Variants in SLC9A9 observed in about 807,000 individuals in gnomAD.
SLC9A9 encodes solute carrier family 9 member A9, also known as sodium/hydrogen exchanger 9.
In SLC9A9, 62 loss-of-function variants were observed where a neutral mutation model predicts 77.8. The ratio of observed to expected loss-of-function variants is 0.80; its 90% confidence interval spans 0.65 to 0.98. The LOEUF is 0.98. Among genes scored for constraint, SLC9A9 ranks in the 50% least tolerant of loss-of-function variants. The probability of loss-of-function intolerance (pLI) is 0.00; values close to 1 mark genes in which losing one functional copy is unlikely to be tolerated. For synonymous variants in SLC9A9, 320 were observed against 283.5 expected (o/e 1.13, Z -1.29); for missense variants, 775 against 774.9 (o/e 1.00, Z 0.00).
intron 5 of SLC9A9, among the ~76,000 whole-genome samples, chr3:143,669,309 C>T (rs752579540): frequency 6.6e-5 from 10 of 152,174 alleles, no homozygotes; most frequent in Middle Eastern, 3.2e-3. Flanking sequence ...TTCAAAACTT[C>T]CATCCTATAC....
intron 8 of SLC9A9, among the ~76,000 whole-genome samples, chr3:143,558,789 G>A (rs939218959): frequency 3.3e-5 from 5 of 152,116 alleles, no homozygotes; most frequent in African/African-American, 1.2e-4. Flanking sequence ...ACTGGAATAG[G>A]TTAAGACTTT....
At chr3:143,417,635 G>A (rs373311980) in intron 12 of SLC9A9, among the ~76,000 whole-genome samples, 1 of 152,062 alleles carries the variant, frequency 6.6e-6, no homozygotes, top group South Asian at 2.1e-4. Flanking sequence ...AAGACCGTGT[G>A]AGGACAGTGA....
intron 6 of SLC9A9, among the ~76,000 whole-genome samples, chr3:143,635,194 C>G (rs1342358467): frequency 6.6e-6 from 1 of 152,214 alleles, no homozygotes; most frequent in Admixed American, 6.5e-5. Flanking sequence ...GTCTTGCTGG[C>G]TGTCGCTCCC....
chr3:143,450,478 C>G (rs1013382452), intron 12 of SLC9A9, among the ~76,000 whole-genome samples: 1 of 151,618 alleles, frequency 6.6e-6, no homozygotes. Flanking sequence ...TAATAATTAT[C>G]TCTGTGTGAA....
chr3:143,817,750 G>C (rs537023044), intron 2 of SLC9A9, among the ~76,000 whole-genome samples: 18 of 152,096 alleles, frequency 1.2e-4, no homozygotes, highest in Non-Finnish European at 1.5e-4. Context: ...CCATTTTCCA[G>C]TGCTTTTTCA....
At chr3:143,825,673 C>T (rs1333798774) in intron 2 of SLC9A9, among the ~76,000 whole-genome samples, 1 of 152,178 alleles carries the variant, frequency 6.6e-6, no homozygotes, top group African/African-American at 2.4e-5. Flanking sequence ...AAAGTAACTT[C>T]CTTTACCAAG....
intron 9 of SLC9A9, among the ~76,000 whole-genome samples, chr3:143,507,824 G>T (rs1252325061): frequency 1.3e-5 from 2 of 152,184 alleles, no homozygotes; most frequent in East Asian, 1.9e-4. Context: ...TGCAGATCTG[G>T]TGTTGAGAGC....
chr3:143,735,618 T>C (rs984185372), intron 4 of SLC9A9, among the ~76,000 whole-genome samples: 1 of 152,114 alleles, frequency 6.6e-6, no homozygotes, highest in Admixed American at 6.5e-5. Context: ...AGAAGGAAAA[T>C]AGGATTCTGT....
intron 2 of SLC9A9, among the ~76,000 whole-genome samples, chr3:143,798,289 T>G (rs1250779392): frequency 6.6e-6 from 1 of 152,166 alleles, no homozygotes; most frequent in Non-Finnish European, 1.5e-5. Flanking sequence ...AAGACAGTCT[T>G]CCCTTGGTGT....
intron 2 of SLC9A9, among the ~76,000 whole-genome samples, chr3:143,798,612 T>C (rs1434644540): frequency 6.6e-6 from 1 of 152,192 alleles, no homozygotes; most frequent in Non-Finnish European, 1.5e-5. Flanking sequence ...CATTTTATTT[T>C]CTTCTGCAAC....
chr3:143,624,652 C>A (rs1217769817), intron 6 of SLC9A9, among the ~76,000 whole-genome samples: 1 of 152,148 alleles, frequency 6.6e-6, no homozygotes, highest in Non-Finnish European at 1.5e-5. Context: ...AACCCACAGC[C>A]AATATCATAC....
intron 9 of SLC9A9, among the ~76,000 whole-genome samples, chr3:143,510,459 C>A (rs2036098361): frequency 1.3e-5 from 2 of 152,168 alleles, no homozygotes; most frequent in African/African-American, 4.8e-5. Flanking sequence ...CTTTAGATGA[C>A]TTTTCCATTA....
chr3:143,625,488 A>G (rs1488602757), intron 6 of SLC9A9, among the ~76,000 whole-genome samples: 1 of 152,244 alleles, frequency 6.6e-6, no homozygotes, highest in Non-Finnish European at 1.5e-5. Context: ...GATCTTTGAC[A>G]AACCTGACAA....
intron 4 of SLC9A9, among the ~76,000 whole-genome samples, chr3:143,777,556 A>T (rs990354775): frequency 6.6e-6 from 1 of 152,196 alleles, no homozygotes; most frequent in African/African-American, 2.4e-5. Context: ...TAACATAAAA[A>T]TGATTTTCTA....
intron 8 of SLC9A9, among the ~76,000 whole-genome samples, chr3:143,569,702 C>T (rs569586917): frequency 2.8e-4 from 43 of 151,594 alleles, no homozygotes; most frequent in African/African-American, 1.0e-3. Flanking sequence ...CAACCCCTTT[C>T]CCTTACCCAA....
At chr3:143,715,506 A>G (rs956653601) in intron 4 of SLC9A9, among the ~76,000 whole-genome samples, 13 of 152,232 alleles carry the variant, frequency 8.5e-5, no homozygotes, top group African/African-American at 2.4e-5. Flanking sequence ...TATAATGCCT[A>G]TACTTTCATA....
At chr3:143,419,518 C>A (rs1287130243) in intron 12 of SLC9A9, among the ~76,000 whole-genome samples, 1 of 152,188 alleles carries the variant, frequency 6.6e-6, no homozygotes, top group Non-Finnish European at 1.5e-5. Flanking sequence ...GGTGCTATCT[C>A]CTTCCGTTTC....
intron 9 of SLC9A9, among the ~76,000 whole-genome samples, chr3:143,548,241 C>T (rs17579952): frequency 0.19 from 29,490 of 151,812 alleles, 2,924 homozygotes; most frequent in Non-Finnish European, 0.22. Context: ...TAAATACAGC[C>T]GATGGGAACA....
chr3:143,438,863 G>A (rs917820318), intron 12 of SLC9A9, among the ~76,000 whole-genome samples: 7 of 152,204 alleles, frequency 4.6e-5, no homozygotes, highest in Non-Finnish European at 1.0e-4. Context: ...AGGAATGTCA[G>A]TGCCCAAGAG....
Sources: allele counts gnomAD v4.1 joint callset (sites outside exome capture counted in the v4.1 genomes callset), GRCh38; gene constraint gnomAD v4.1.1; transcripts MANE v1.5; gene names NCBI Gene and HGNC (gene_info 2026-07-23, HGNC 2026-07-21).